Variants in GABRG2 observed in about 807,000 individuals in gnomAD.
GABRG2 encodes the protein gamma-aminobutyric acid type A receptor subunit gamma2.
A neutral mutation model predicts 56.4 loss-of-function variants in GABRG2; 16 were observed. That is an observed-to-expected ratio of 0.28 (90% CI 0.19 to 0.43). The LOEUF is 0.43. GABRG2 is among the 20% of genes least tolerant of loss of function. The pLI, the probability that GABRG2 is intolerant of heterozygous loss-of-function variation, is 1.00. For missense variants in GABRG2, 327 were observed against 582.7 expected, an observed-to-expected ratio of 0.56 and a Z score of 4.52; for synonymous variants, 208 against 205.5, an observed-to-expected ratio of 1.01 and a Z score of -0.10.
Position 162,130,734 on chromosome 5 carries a change from G to A in GABRG2, c.770-11430G>A, listed in dbSNP as rs116230520. On this transcript the variant is annotated intron_variant, in intron 6 of 9. Coordinates refer to ENST00000639213, the MANE Select transcript of GABRG2 (RefSeq NM_198904.4). ...TATCATCTTGATTGCAGGTAACCTT[G>A]GTTTGTAGGATTCGTTTTTATTTAC... is the stretch of plus-strand genomic sequence containing the variant. Among the ~76,000 whole-genome samples, 676 of 151,992 alleles carry A rather than the reference G, an allele frequency of 4.4e-3. 7 individuals are homozygous for A. The highest frequency in any genetic ancestry group is 0.016 in the African/African-American group (652 of 41,494).
chr5:162,076,904 T>G (rs1759163676), intron 1 of GABRG2, among the ~76,000 whole-genome samples: 1 of 151,958 alleles, frequency 6.6e-6, no homozygotes, highest in Non-Finnish European at 1.5e-5. Flanking sequence ...CCAAAATACC[T>G]TTCTGAATAT....
intron 1 of GABRG2, among the ~76,000 whole-genome samples, chr5:162,074,874 T>A (rs985480127): frequency 6.6e-6 from 1 of 151,952 alleles, no homozygotes; most frequent in Non-Finnish European, 1.5e-5. Context: ...GTTGTAAAAG[T>A]TTTTGTATTT....
intron 8 of GABRG2, chr5:162,149,818 T>C: frequency 2.8e-6 from 1 of 355,774 alleles, no homozygotes; most frequent in South Asian, 2.2e-5. Flanking sequence ...TTCACCATAT[T>C]GGTCAGGCTG....
At chr5:162,121,116 C>T (rs1005274076) in intron 6 of GABRG2, among the ~76,000 whole-genome samples, 1 of 152,058 alleles carries the variant, frequency 6.6e-6, no homozygotes, top group Non-Finnish European at 1.5e-5. Context: ...AAGTATGGAC[C>T]AATGTCTGTG....
At chr5:162,074,155 A>G (rs2113133339) in intron 1 of GABRG2, among the ~76,000 whole-genome samples, 1 of 152,168 alleles carries the variant, frequency 6.6e-6, no homozygotes, top group South Asian at 2.1e-4. Flanking sequence ...CAAGTTACAC[A>G]TTAGTGGTTT....
At chr5:162,103,754 C>T in intron 5 of GABRG2, 135 bp from the exon 6 acceptor site, 1 of 944,692 alleles carries the variant, frequency 1.1e-6, no homozygotes, top group Non-Finnish European at 1.7e-6. Context: ...TTGCAATGCC[C>T]TTTGGTCCAA....
At chr5:162,079,809 G>T (rs1338769759) in intron 1 of GABRG2, among the ~76,000 whole-genome samples, 2 of 151,806 alleles carry the variant, frequency 1.3e-5, no homozygotes, top group African/African-American at 4.8e-5. Context: ...TTGAGACAGG[G>T]TCTCACTCTG....
chr5:162,137,726 A>C (rs1764238509), intron 6 of GABRG2, among the ~76,000 whole-genome samples: 1 of 151,078 alleles, frequency 6.6e-6, no homozygotes, highest in Non-Finnish European at 1.5e-5. Context: ...TTCTTTCTTT[A>C]TTTCTTTTTT....
chr5:162,129,849 T>C (rs1763605906), intron 6 of GABRG2, among the ~76,000 whole-genome samples: 1 of 151,960 alleles, frequency 6.6e-6, no homozygotes, highest in South Asian at 2.1e-4. Flanking sequence ...ATATTAAAAT[T>C]ATATTTAATG....
At chr5:162,140,089 A>G (rs1051116128) in intron 6 of GABRG2, among the ~76,000 whole-genome samples, 1 of 152,244 alleles carries the variant, frequency 6.6e-6, no homozygotes, top group African/African-American at 2.4e-5. Context: ...CTTATGTTCA[A>G]TAAATTAACA....
At position 162,096,659 on chromosome 5, in the gene GABRG2, G is replaced by A. The variant is rs550576511; in HGVS notation, c.328-979G>A. Among the ~76,000 whole-genome samples the A allele has an allele frequency of 2.2e-4, 33 of 152,082 alleles. No homozygotes were observed. In the South Asian group the frequency reaches 6.4e-3, roughly 30 times the overall value. ...AGCTAATCACAGTGACACCCAGTGG[G>A]AGGTGGTGCAAGGAAAGAAAACAGA... On this transcript the variant is annotated intron_variant, in intron 3 of 9. Transcript: ENST00000639213.
rs1761110914 is a variant in GABRG2, at chr5:162,097,807, C to G, written c.497C>G (p.Pro166Arg). 3 of 1,613,664 alleles carry G rather than the reference C, an allele frequency of 1.9e-6. No individual in the cohort carries two copies. The highest frequency in any genetic ancestry group is 1.3e-5 in the African/African-American group (1 of 74,886). ...KKADAHWITTPNRMLRIWNDG... is the reference protein window; with the variant it reads ...KKADAHWITTRNRMLRIWNDG... Reference sequence around the variant, plus strand: ...GCTGATGCACACTGGATCACCACCCCCAACAGGATGCTGAGAATTTGGAAT... The same window carrying G: ...GCTGATGCACACTGGATCACCACCCGCAACAGGATGCTGAGAATTTGGAAT... The change falls in exon 4 of 10, where the codon CCC becomes CGC. Residue 166 changes from proline (P) to arginine (R), a missense_variant. Pro to Arg is a moderately radical substitution (Grantham distance 103). This residue lies in a region of GABRG2 where 104 missense variants were observed against 209.3 expected (regional missense o/e 0.50). Transcript: ENST00000639213.
At chr5:162,069,205 C>T (rs1758474459) in intron 1 of GABRG2, among the ~76,000 whole-genome samples, 5 of 152,150 alleles carry the variant, frequency 3.3e-5, no homozygotes, top group Admixed American at 3.3e-4. Flanking sequence ...GCACCTTCCC[C>T]GCTCTCCAAG....
chr5:162,149,722 T>C, intron 8 of GABRG2: 1 of 476,156 alleles, frequency 2.1e-6, no homozygotes, highest in African/African-American at 1.9e-5. Context: ...CAAGCAATTC[T>C]CCTGCCTCAG....
intron 6 of GABRG2, among the ~76,000 whole-genome samples, chr5:162,109,306 G>T (rs1422578395): frequency 4.0e-5 from 6 of 150,262 alleles, no homozygotes; most frequent in African/African-American, 1.2e-4. Flanking sequence ...ACGAGTTAAT[G>T]GGTGCAGCAC....
chr5:162,099,588 C>T (rs1482655847), intron 4 of GABRG2: 1 of 152,148 alleles, frequency 6.6e-6, no homozygotes, highest in African/African-American at 2.4e-5. Flanking sequence ...AATGTAGAAT[C>T]TAGTGGGTAC....
chr5:162,146,990 T>G (rs992573565), intron 7 of GABRG2, among the ~76,000 whole-genome samples: 1 of 152,216 alleles, frequency 6.6e-6, no homozygotes, highest in Non-Finnish European at 1.5e-5. Context: ...TTGAACTGAT[T>G]AGGGAGACAA....
At chr5:162,090,256 A>G (rs431201) in intron 1 of GABRG2, among the ~76,000 whole-genome samples, 8 of 151,982 alleles carry the variant, frequency 5.3e-5, no homozygotes, top group Non-Finnish European at 1.2e-4. Flanking sequence ...ACACATACAC[A>G]TACACGTACA....
chr5:162,084,881 T>C (rs1759941122), intron 1 of GABRG2, among the ~76,000 whole-genome samples: 1 of 151,914 alleles, frequency 6.6e-6, no homozygotes. Flanking sequence ...AGAGGAAGCC[T>C]TCTTTATTAC....
Sources: allele counts gnomAD v4.1 joint callset (sites outside exome capture counted in the v4.1 genomes callset), GRCh38; gene constraint gnomAD v4.1.1; regional missense constraint gnomAD v4.1.1; transcripts MANE v1.5; gene names NCBI Gene and HGNC (gene_info 2026-07-23, HGNC 2026-07-21).